TTC27: variants seen among roughly 807,000 people sequenced by gnomAD.
TTC27 encodes tetratricopeptide repeat protein 27.
A neutral mutation model predicts 115.9 loss-of-function variants in TTC27; 79 were observed. The observed-to-expected ratio is 0.68, with a 90% CI of 0.57 to 0.82. TTC27 has a LOEUF of 0.82. Ranked by LOEUF, TTC27 falls within the 40% of genes least tolerant of loss-of-function variation. The probability of loss-of-function intolerance (pLI) is 0.00; values close to 1 mark genes in which losing one functional copy is unlikely to be tolerated. For synonymous variants in TTC27, 401 were observed against 356.0 expected, an observed-to-expected ratio of 1.13 and a Z score of -1.42; for missense variants, 1,054 against 993.1, an observed-to-expected ratio of 1.06 and a Z score of -0.82.
chr2:32,662,290 G>C (rs543502763), intron 5 of TTC27, among the ~76,000 whole-genome samples: 2 of 152,184 alleles, frequency 1.3e-5, no homozygotes, highest in Non-Finnish European at 2.9e-5. Context: ...CATAAAATGA[G>C]TTAGGGAGGA....
chr2:32,735,260 A>G (rs192879458), intron 11 of TTC27, among the ~76,000 whole-genome samples: 1 of 152,354 alleles, frequency 6.6e-6, no homozygotes, highest in East Asian at 1.9e-4. Context: ...TCTCAAAAGG[A>G]ATAGCTTCTT....
chr2:32,728,777 G>GTTCACA (rs1668197328), intron 10 of TTC27, among the ~76,000 whole-genome samples: 1 of 152,122 alleles, frequency 6.6e-6, no homozygotes, highest in African/African-American at 2.4e-5. Flanking sequence ...TAAGTTTAAT[G>GTTCACA]ATGGTGTTGA....
At chr2:32,735,825 C>G (rs1053356985) in intron 11 of TTC27, among the ~76,000 whole-genome samples, 3 of 151,988 alleles carry the variant, frequency 2.0e-5, no homozygotes, top group Non-Finnish European at 2.9e-5. Context: ...TAGCCAGATT[C>G]TCCTGTATTC....
rs565525307 is a variant in TTC27 at position 32,755,188 on chromosome 2, G to A, written c.1453-3104G>A. On this transcript the variant is annotated intron_variant, in intron 12 of 19. Transcript: ENST00000317907. ...TCACTTCCCAGACGGGGTGGCGGCC[G>A]GGCAGAGGCTGCAATCTCGGCACTT... Among the ~76,000 whole-genome samples the A allele has an allele frequency of 8.5e-5, 13 of 152,266 alleles. No homozygotes were observed. In the South Asian group the frequency reaches 1.7e-3, roughly 19 times the overall value.
Position 32,811,068 on chromosome 2 carries a change from T to A in TTC27, c.2043T>A (p.Asp681Glu). The A allele has an allele frequency of 6.2e-7, 1 of 1,614,156 alleles. No homozygotes were observed. Among genetic ancestry groups the A allele is most frequent in the Non-Finnish European group, 8.5e-7 (1 of 1,180,008 alleles). Residue 681 changes from aspartate (D) to glutamate (E), a missense_variant, in exon 17 of 20, where the codon GAT (aspartate) becomes GAA (glutamate). Transcript: ENST00000317907. ...LVRAVIDGMT[D>E]RSGDVATGLK... ...GGGCAGTGATTGATGGGATGACTGA[T>A]CGAAGTGGAGATGTTGCAACTGGCC...
intron 10 of TTC27, among the ~76,000 whole-genome samples, chr2:32,703,343 T>C (rs1361087897): frequency 6.6e-6 from 1 of 152,106 alleles, no homozygotes; most frequent in Non-Finnish European, 1.5e-5. Context: ...GGTGGGTGCC[T>C]GTAATCCCAG....
At chr2:32,686,797 C>CT in intron 9 of TTC27, among the ~76,000 whole-genome samples, 1 of 152,182 alleles carries the variant, frequency 6.6e-6, no homozygotes, top group Admixed American at 6.5e-5. Context: ...CTGGAGATGA[C>CT]TTTTTTGCTT....
intron 5 of TTC27, among the ~76,000 whole-genome samples, chr2:32,663,636 T>TTATGTATGTATG (rs70938357): frequency 4.8e-5 from 7 of 146,506 alleles, no homozygotes; most frequent in East Asian, 4.0e-4. Context: ...CACCCCCTAT[T>TTATGTATGTATG]TATGTATGTA....
At chr2:32,764,048 C>T (rs7597904) in intron 13 of TTC27, among the ~76,000 whole-genome samples, 66,480 of 151,978 alleles carry the variant, frequency 0.44, 15,000 homozygotes, top group Middle Eastern at 0.59. Flanking sequence ...CAAGCCAGTA[C>T]GTTTAGCACT....
intron 12 of TTC27, among the ~76,000 whole-genome samples, chr2:32,743,528 A>G (rs1668714707): frequency 6.6e-6 from 1 of 152,190 alleles, no homozygotes; most frequent in African/African-American, 2.4e-5. Flanking sequence ...AATATAAATG[A>G]GCCCCAATAT....
chr2:32,737,537 A>C (rs1265810276), intron 12 of TTC27, among the ~76,000 whole-genome samples: 2 of 152,158 alleles, frequency 1.3e-5, no homozygotes, highest in Non-Finnish European at 2.9e-5. Context: ...CATCACCCTA[A>C]AAAAGAGCAA....
At chr2:32,789,707 C>T (rs1446560380) in intron 16 of TTC27, among the ~76,000 whole-genome samples, 1 of 151,580 alleles carries the variant, frequency 6.6e-6, no homozygotes, top group Non-Finnish European at 1.5e-5. Context: ...ATTACTTGAG[C>T]CCAGGGGTTT....
intron 9 of TTC27, among the ~76,000 whole-genome samples, chr2:32,695,962 A>C (rs1273993460): frequency 6.6e-6 from 1 of 151,098 alleles, no homozygotes; most frequent in Non-Finnish European, 1.5e-5. Flanking sequence ...TAAACAAATA[A>C]AAATACGAAA....
chr2:32,664,358 A>T lies in TTC27; in HGVS notation c.696A>T (p.Gln232His), dbSNP rs775329542. Reference sequence around the variant, plus strand: ...ATTCAGGTCGATATTTGGCTATTCAATTCCATCTGGAATGTGCATATGTGT... The same window carrying T: ...ATTCAGGTCGATATTTGGCTATTCATTTCCATCTGGAATGTGCATATGTGT... ...VDDSGRYLAI[Q>H]FHLECAYVFL... is the part of the protein sequence containing the mutation. The change falls in exon 6 of 20, where the codon CAA becomes CAT. Residue 232 changes from glutamine to histidine, a missense_variant. By Grantham distance (24) the Gln-to-His change is conservative. Transcript: ENST00000317907. 6.2e-7 allele frequency: 1 copy of T among 1,611,848 alleles called. No individual in the cohort carries two copies. The highest frequency in any genetic ancestry group is 1.3e-5 in the African/African-American group (1 of 74,888).
chr2:32,629,208 G>T (rs1559176547), intron 1 of TTC27, among the ~76,000 whole-genome samples: 1 of 150,882 alleles, frequency 6.6e-6, no homozygotes, highest in Non-Finnish European at 1.5e-5. Flanking sequence ...TGCAACCTCC[G>T]CTTCCCCGGT....
At chr2:32,790,334 C>G (rs569537839) in intron 16 of TTC27, among the ~76,000 whole-genome samples, 2 of 151,754 alleles carry the variant, frequency 1.3e-5, no homozygotes, top group African/African-American at 4.8e-5. Context: ...GTAAATTAGC[C>G]TCAAATTTTT....
chr2:32,702,768 A>G (rs767125877), intron 9 of TTC27, 39 bp from the exon 10 acceptor site: 3 of 1,346,870 alleles, frequency 2.2e-6, no homozygotes, highest in African/African-American at 2.9e-5. Flanking sequence ...CACCTAGCTT[A>G]TCTCTTTTCT....
intron 2 of TTC27, among the ~76,000 whole-genome samples, chr2:32,633,379 C>G (rs1664286314): frequency 6.6e-6 from 1 of 151,998 alleles, no homozygotes; most frequent in African/African-American, 2.4e-5. Flanking sequence ...CCATGTTTGG[C>G]TCGTGGCTAT....
chr2:32,812,595 G>A lies in TTC27; in HGVS notation c.2288G>A (p.Arg763Lys). 1.2e-6 allele frequency: 2 copies of A among 1,613,548 alleles called. No individual in the cohort carries two copies. The highest frequency in any genetic ancestry group is 4.5e-5 in the East Asian group (2 of 44,878). ...DITSFKEVVQ[R>K]ALGLAHVAIK... ...ACATCATTTAAGGAAGTTGTTCAAA[G>A]AGCCTTAGGACTTGCACATGGTATT... The change falls in exon 18 of 20, where the codon AGA (arginine) becomes AAA (lysine). Residue 763 changes from arginine to lysine, a missense_variant. Coordinates refer to ENST00000317907, the MANE Select transcript of TTC27 (RefSeq NM_017735.5).
Sources: gnomAD v4.1 joint callset for allele counts (sites outside exome capture counted in the v4.1 genomes callset) on GRCh38, gnomAD v4.1.1 for gene constraint, MANE v1.5 for transcripts, NCBI Gene and HGNC (gene_info 2026-07-23, HGNC 2026-07-21) for gene names.